Variants in CPA6 observed in about 807,000 individuals in gnomAD.
CPA6 encodes the protein carboxypeptidase A6.
A neutral mutation model predicts 63.3 loss-of-function variants in CPA6; 58 were observed. The observed-to-expected ratio is 0.92, with a 90% CI of 0.74 to 1.14. The LOEUF is 1.14. Among genes scored for constraint, CPA6 ranks in the 50% most tolerant of loss-of-function variants. The pLI is 0.00. For synonymous variants in CPA6, 185 were observed against 179.0 expected (o/e 1.03, Z -0.27); for missense variants, 565 against 526.6 (o/e 1.07, Z -0.71).
chr8:67,495,353 T>C (rs1811688170), intron 6 of CPA6, among the ~76,000 whole-genome samples: 1 of 152,190 alleles, frequency 6.6e-6, no homozygotes, highest in Non-Finnish European at 1.5e-5. Flanking sequence ...GAACTGCAAA[T>C]GCATTGAGGA....
At chr8:67,612,075 C>T (rs961817722) in intron 2 of CPA6, among the ~76,000 whole-genome samples, 3 of 152,196 alleles carry the variant, frequency 2.0e-5, no homozygotes, top group Non-Finnish European at 2.9e-5. Flanking sequence ...TGTTTCCTGA[C>T]TGGACCTTGA....
At chr8:67,737,688 A>C (rs572319705) in intron 1 of CPA6, among the ~76,000 whole-genome samples, 15 of 152,190 alleles carry the variant, frequency 9.9e-5, no homozygotes, top group Non-Finnish European at 2.2e-4. Context: ...CGGGCCAGAC[A>C]CCCTGCAAAT....
chr8:67,450,453 A>T (rs531747287), intron 8 of CPA6, among the ~76,000 whole-genome samples: 1 of 152,340 alleles, frequency 6.6e-6, no homozygotes, highest in East Asian at 1.9e-4. Context: ...GTAGATTTTT[A>T]ACTATTTCTA....
intron 2 of CPA6, among the ~76,000 whole-genome samples, chr8:67,533,022 C>CACT (rs1407264334): frequency 6.6e-6 from 1 of 152,126 alleles, no homozygotes; most frequent in East Asian, 1.9e-4. Flanking sequence ...GGACTTATTC[C>CACT]AGGCTCACTA....
intron 1 of CPA6, among the ~76,000 whole-genome samples, chr8:67,629,774 G>T (rs1815279781): frequency 6.6e-6 from 1 of 152,090 alleles, no homozygotes; most frequent in South Asian, 2.1e-4. Context: ...TCATGGCTTT[G>T]TATGATTTTG....
At position 67,519,682 on chromosome 8, in the gene CPA6, A is replaced by G. The variant is rs115806456; in HGVS notation, c.193-1635T>C. Among the ~76,000 whole-genome samples the G allele has an allele frequency of 1.3e-3, 197 of 152,304 alleles. 2 individuals are homozygous for G. Among genetic ancestry groups the G allele is most frequent in the African/African-American group, 4.5e-3 (187 of 41,570 alleles). On this transcript the variant is annotated intron_variant, in intron 2 of 10. Transcript: ENST00000297770. ...AACATGCCAGTCCAACAATCAGCGCACAACGGAAGTGTGAGGCTGGAAGGG... is the reference window on the plus strand; with the variant it reads ...AACATGCCAGTCCAACAATCAGCGCGCAACGGAAGTGTGAGGCTGGAAGGG...
At chr8:67,455,663 C>CAAA (rs552041509) in intron 8 of CPA6, among the ~76,000 whole-genome samples, 35 of 30,260 alleles carry the variant, frequency 1.2e-3, no homozygotes, top group Non-Finnish European at 1.4e-3. Context: ...TCTACAAAAG[C>CAAA]AAAAAAAAAA....
At chr8:67,553,845 C>T (rs944101327) in intron 2 of CPA6, among the ~76,000 whole-genome samples, 1 of 152,066 alleles carries the variant, frequency 6.6e-6, no homozygotes, top group Non-Finnish European at 1.5e-5. Context: ...ATTTGGGTCC[C>T]CAAAATATTG....
At chr8:67,687,549 C>T (rs1186349491) in intron 1 of CPA6, among the ~76,000 whole-genome samples, 1 of 152,062 alleles carries the variant, frequency 6.6e-6, no homozygotes, top group Non-Finnish European at 1.5e-5. Flanking sequence ...TGAGCCTCTG[C>T]TAATGGGGTT....
intron 1 of CPA6, among the ~76,000 whole-genome samples, chr8:67,663,208 A>G (rs780438661): frequency 1.7e-4 from 26 of 152,244 alleles, no homozygotes; most frequent in Non-Finnish European, 3.5e-4. Context: ...CAGAGATGAA[A>G]TAACAACTGA....
intron 2 of CPA6, among the ~76,000 whole-genome samples, 170 bp from the exon 3 acceptor site, chr8:67,518,217 T>C (rs570362885): frequency 6.1e-4 from 93 of 152,314 alleles, no homozygotes; most frequent in Middle Eastern, 3.4e-3. Context: ...GAATTTGAGT[T>C]TCCAAATTAT....
chr8:67,656,288 T>G (rs1377564743), intron 1 of CPA6, among the ~76,000 whole-genome samples: 1 of 152,320 alleles, frequency 6.6e-6, no homozygotes, highest in South Asian at 2.1e-4. Context: ...TACTTTCCCA[T>G]GAAACCCATA....
Position 67,733,945 on chromosome 8 carries a change from G to C in CPA6, c.116+12069C>G, listed in dbSNP as rs145037512. Among the ~76,000 whole-genome samples, 332 of 146,862 alleles carry C rather than the reference G, an allele frequency of 2.3e-3. 3 individuals carry two copies. The highest frequency in any genetic ancestry group is 7.4e-3 in the African/African-American group (301 of 40,738). ...GCTGGAGCGCAGTGGTGCAATCATGGCTCACTGCAGCTTCATTCTCCTGGG... is the reference window on the plus strand; with the variant it reads ...GCTGGAGCGCAGTGGTGCAATCATGCCTCACTGCAGCTTCATTCTCCTGGG... On this transcript the variant is annotated intron_variant, in intron 1 of 10. Coordinates refer to ENST00000297770, the MANE Select transcript of CPA6 (RefSeq NM_020361.5).
intron 2 of CPA6, among the ~76,000 whole-genome samples, chr8:67,584,850 T>C (rs999081750): frequency 3.3e-5 from 5 of 152,140 alleles, no homozygotes; most frequent in Non-Finnish European, 7.4e-5. Context: ...GGAGGAACCA[T>C]GCCATAGCTA....
intron 10 of CPA6, among the ~76,000 whole-genome samples, chr8:67,425,336 C>T (rs553385622): frequency 5.3e-5 from 8 of 152,102 alleles, no homozygotes; most frequent in Non-Finnish European, 1.2e-4. Flanking sequence ...CGCTTTTATG[C>T]TATTTTTCCT....
chr8:67,523,938 G>A (rs1192586791), intron 2 of CPA6, among the ~76,000 whole-genome samples: 1 of 152,188 alleles, frequency 6.6e-6, no homozygotes. Context: ...GTTTTTGTTG[G>A]TTTGGAAAAG....
rs1462608293 is a variant in CPA6 at position 67,444,734 on chromosome 8, T to G, written c.839-10494A>C. 2.7e-5 allele frequency among the ~76,000 whole-genome samples: 4 copies of G among 146,058 alleles called. No individual in the cohort carries two copies. The South Asian group carries it at 8.7e-4, about 32-fold the overall frequency. On this transcript the variant is annotated intron_variant, in intron 8 of 10. Transcript: ENST00000297770. ...GGAGACGGAGGTTGCAGTGAGCCAC[T>G]GCACCCCACTCTGGGCAACAGAGCG...
intron 8 of CPA6, among the ~76,000 whole-genome samples, chr8:67,464,954 C>G (rs933319685): frequency 2.0e-5 from 3 of 152,144 alleles, no homozygotes; most frequent in Admixed American, 1.3e-4. Context: ...AAGGCTCCAG[C>G]TTTGTTCTTT....
intron 1 of CPA6, among the ~76,000 whole-genome samples, chr8:67,638,421 T>G (rs556700683): frequency 6.6e-6 from 1 of 151,548 alleles, no homozygotes; most frequent in East Asian, 1.9e-4. Context: ...TAGTAAAATT[T>G]AAATTGATAT....
Sources: allele counts gnomAD v4.1 joint callset (sites outside exome capture counted in the v4.1 genomes callset), GRCh38; gene constraint gnomAD v4.1.1; transcripts MANE v1.5; gene names NCBI Gene and HGNC (gene_info 2026-07-23, HGNC 2026-07-21).